REXO1: variants seen among roughly 807,000 people sequenced by gnomAD.
The protein encoded by REXO1 is REX1, RNA exonuclease 1 homolog.
In REXO1, 42 loss-of-function variants were observed where a neutral mutation model predicts 102.6. The observed-to-expected ratio is 0.41, with a 90% confidence interval of 0.32 to 0.53. REXO1 has a LOEUF of 0.53. REXO1 is among the 20% of genes least tolerant of loss of function. The pLI, the probability that REXO1 is intolerant of heterozygous loss-of-function variation, is 0.27. For synonymous variants in REXO1, 908 were observed against 779.1 expected, an observed-to-expected ratio of 1.17 and a Z score of -2.76; for missense variants, 1,819 against 1,732.5, an observed-to-expected ratio of 1.05 and a Z score of -0.89.
chr19:1,838,373 C>T (rs911588182), intron 1 of REXO1, among the ~76,000 whole-genome samples: 1 of 150,138 alleles, frequency 6.7e-6, no homozygotes, highest in Admixed American at 6.6e-5. Context: ...AATCCCAGCA[C>T]TTTGGAAAGT....
chr19:1,827,875 C>T lies in REXO1; in HGVS notation c.914G>A (p.Ser305Asn). 6.2e-7 allele frequency: 1 copy of T among 1,613,626 alleles called. No individual in the cohort carries two copies. The highest frequency in any genetic ancestry group is 8.5e-7 in the Non-Finnish European group (1 of 1,179,872). Residue 305 changes from serine (S) to asparagine (N), a missense_variant, in exon 2 of 16, where the codon AGC becomes AAC. Physicochemically the swap from Ser to Asn is conservative, Grantham distance 46. Transcript: ENST00000170168. The stretch of plus-strand genomic sequence containing the variant: ...AGGGTCGGCCCTGGCTTTGGGGGTG[C>T]TGGCCGTGGTGGGCTCGTTACCTGG... ...TVPGNEPTTA[S>N]TPKARADPEI...
rs769678066 is a variant in REXO1, at chr19:1,827,876, T to C, written c.913A>G (p.Ser305Gly). Residue 305 changes from serine (S) to glycine (G), a missense_variant, in exon 2 of 16, where the codon AGC becomes GGC. Ser to Gly is a moderately conservative substitution (Grantham distance 56). Coordinates refer to ENST00000170168, the MANE Select transcript of REXO1 (RefSeq NM_020695.4). Reference protein sequence around the residue: ...TVPGNEPTTASTPKARADPEI... With the variant: ...TVPGNEPTTAGTPKARADPEI... The stretch of plus-strand genomic sequence containing the variant: ...GGGTCGGCCCTGGCTTTGGGGGTGC[T>C]GGCCGTGGTGGGCTCGTTACCTGGG... 7.3e-5 allele frequency: 118 copies of C among 1,613,554 alleles called. No homozygotes were observed. The highest frequency in any genetic ancestry group is 9.9e-5 in the Non-Finnish European group (117 of 1,179,876).
chr19:1,833,734 G>C (rs1458054951), intron 1 of REXO1, among the ~76,000 whole-genome samples: 3 of 152,220 alleles, frequency 2.0e-5, no homozygotes, highest in Admixed American at 6.5e-5. Flanking sequence ...CCTGCCACCC[G>C]CCTGGTGAAC....
At chr19:1,845,121 C>T (rs2011478733) in intron 1 of REXO1, among the ~76,000 whole-genome samples, 1 of 152,198 alleles carries the variant, frequency 6.6e-6, no homozygotes, top group Non-Finnish European at 1.5e-5. Context: ...AAGGTGGGAT[C>T]TAGCCCTGCC....
intron 1 of REXO1, among the ~76,000 whole-genome samples, chr19:1,841,481 C>T (rs2011276292): frequency 6.6e-6 from 1 of 152,240 alleles, no homozygotes; most frequent in African/African-American, 2.4e-5. Context: ...TGCCACGACC[C>T]CATCGTGCAG....
intron 1 of REXO1, among the ~76,000 whole-genome samples, chr19:1,845,749 C>T (rs532517236): frequency 3.3e-5 from 5 of 152,322 alleles, no homozygotes; most frequent in African/African-American, 1.2e-4. Context: ...CAGTGCTGCT[C>T]AAGGTCGCCA....
chr19:1,838,915 G>T (rs957049337), intron 1 of REXO1, among the ~76,000 whole-genome samples: 1 of 151,790 alleles, frequency 6.6e-6, no homozygotes, highest in African/African-American at 2.4e-5. Flanking sequence ...CCAGGAGTTC[G>T]AGACCAGCCT....
intron 5 of REXO1, 120 bp from the exon 6 acceptor site, chr19:1,820,515 T>C: frequency 8.5e-7 from 1 of 1,183,086 alleles, no homozygotes; most frequent in Middle Eastern, 2.6e-4. Context: ...CTGGGACAGA[T>C]CAGCCTGGCT....
rs1381759143 is a variant in REXO1, at chr19:1,816,469, T to C, written c.3418A>G (p.Ile1140Val). Residue 1140 changes from isoleucine to valine, a missense_variant, in exon 14 of 16, where the codon ATC becomes GTC. Ile to Val is a conservative substitution (Grantham distance 29, BLOSUM62 3). Coordinates refer to ENST00000170168, the MANE Select transcript of REXO1 (RefSeq NM_020695.4). Reference protein sequence around the residue: ...LSMFSADTILIGHSLESDLLA... With the variant: ...LSMFSADTILVGHSLESDLLA... ...AGGTCGCTCTCCAGGCTGTGTCCGA[T>C]GAGGATGGTGTCAGCGCTGAACATG... 1.9e-6 allele frequency: 3 copies of C among 1,612,218 alleles called. No homozygotes were observed. Among genetic ancestry groups the C allele is most frequent in the Non-Finnish European group, 2.5e-6 (3 of 1,179,664 alleles).
intron 3 of REXO1, chr19:1,824,197 T>G: frequency 6.0e-6 from 1 of 166,154 alleles, no homozygotes; most frequent in Non-Finnish European, 1.3e-5. Flanking sequence ...TGTCCTGCAC[T>G]ACCTCGCCAC....
At chr19:1,841,346 C>T (rs1211501855) in intron 1 of REXO1, among the ~76,000 whole-genome samples, 1 of 152,266 alleles carries the variant, frequency 6.6e-6, no homozygotes. Flanking sequence ...GCCTGCTCCT[C>T]TCTAGGGATT....
chr19:1,828,539 C>G lies in REXO1; in HGVS notation c.250G>C (p.Asp84His), dbSNP rs370353302. Residue 84 changes from aspartate to histidine, a missense_variant, in exon 2 of 16, where the codon GAT (aspartate) becomes CAT (histidine). Transcript: ENST00000170168. ...TLGLGEEPRP[D>H]VLELELVNQA... ...TTGACCAGCTCCAACTCCAGCACATCCGGGCGCGGCTCCTCCCCCAGGCCC... is the reference window on the plus strand; with the variant it reads ...TTGACCAGCTCCAACTCCAGCACATGCGGGCGCGGCTCCTCCCCCAGGCCC... The G allele has an allele frequency of 6.2e-7, 1 of 1,604,224 alleles. No individual in the cohort carries two copies. The highest frequency in any genetic ancestry group is 8.5e-7 in the Non-Finnish European group (1 of 1,179,860).
chr19:1,826,236 T>C lies in REXO1; in HGVS notation c.1912-293A>G, dbSNP rs1256042634. ...GCACACTGGGAAAGCGAGGCCACCT[T>C]GGGCCGAACCAGCTGCTGCGGGCTG... is the stretch of plus-strand genomic sequence containing the variant. On this transcript the variant is annotated intron_variant, in intron 2 of 15. Coordinates refer to ENST00000170168, the MANE Select transcript of REXO1 (RefSeq NM_020695.4). The surrounding 1 kb of genome is among the most constrained non-coding windows in gnomAD (Gnocchi z 4.3). Among the ~76,000 whole-genome samples, 1 of 152,014 alleles carries C rather than the reference T, an allele frequency of 6.6e-6. No homozygotes were observed. Among genetic ancestry groups the C allele is most frequent in the Non-Finnish European group, 1.5e-5 (1 of 67,996 alleles).
In REXO1 at chr19:1,815,779, GCTGCGGGC is replaced by G; in HGVS notation, c.*279_*286del. 1 of 1,447,748 alleles carries G rather than the reference GCTGCGGGC, an allele frequency of 6.9e-7. No individual in the cohort carries two copies. The highest frequency in any genetic ancestry group is 9.1e-7 in the Non-Finnish European group (1 of 1,094,720). 89.7% of individuals were successfully genotyped at this position (1,447,748 alleles called of 1,614,324 possible). ...GGGCCTGGCAGGAGGGGCAGGAGGG[GCTGCGGGC>G]CGGGTGGGGGCGGGCTCTGTCCTGG... On this transcript the variant is annotated 3_prime_UTR_variant, in exon 16 of 16. Transcript: ENST00000170168. This position sits in a 1 kb window ranked among gnomAD's most constrained non-coding sequence, Gnocchi z 4.0.
chr19:1,846,301 G>A (rs548821810), intron 1 of REXO1, among the ~76,000 whole-genome samples: 92 of 152,288 alleles, frequency 6.0e-4, no homozygotes, highest in African/African-American at 1.9e-3. Flanking sequence ...TCACGGAGGC[G>A]GAAACAGAGG....
At position 1,827,836 on chromosome 19, in the gene REXO1, G is replaced by A. The variant is rs1407748178; in HGVS notation, c.953C>T (p.Thr318Ile). 1 of 1,611,858 alleles carries A rather than the reference G, an allele frequency of 6.2e-7. No homozygotes were observed. The highest frequency in any genetic ancestry group is 1.3e-5 in the African/African-American group (1 of 74,922). Residue 318 changes from threonine (T) to isoleucine (I), a missense_variant, in exon 2 of 16, where the codon ACC (threonine) becomes ATC (isoleucine). Coordinates refer to ENST00000170168, the MANE Select transcript of REXO1 (RefSeq NM_020695.4). ...GCCCTCTTTGGAGGGTGGCTGCCCG[G>A]TGGCCTTGATCTCAGGGTCGGCCCT... ...KARADPEIKA[T>I]GQPPSKEGLE...
chr19:1,821,832 A>C (rs550808294), intron 4 of REXO1, 150 bp from the exon 5 acceptor site: 2 of 687,066 alleles, frequency 2.9e-6, no homozygotes, highest in Non-Finnish European at 4.8e-6. Flanking sequence ...GGGGCTGCGC[A>C]ATGGCATCAG....
intron 1 of REXO1, among the ~76,000 whole-genome samples, chr19:1,828,842 C>T (rs891493684): frequency 1.4e-4 from 21 of 152,272 alleles, no homozygotes; most frequent in Admixed American, 3.9e-4. Context: ...TTGCCCTGAC[C>T]AATGGGCGCT....
intron 1 of REXO1, among the ~76,000 whole-genome samples, chr19:1,844,113 T>C (rs2011427118): frequency 6.6e-6 from 1 of 151,310 alleles, no homozygotes; most frequent in Admixed American, 6.6e-5. Flanking sequence ...CCTTGGAAGG[T>C]TTCAAGTTCC....
Sources: gnomAD v4.1 joint callset for allele counts (sites outside exome capture counted in the v4.1 genomes callset) on GRCh38, gnomAD v4.1.1 for gene constraint, Gnocchi (gnomAD v3.1) non-coding constraint, MANE v1.5 for transcripts, NCBI Gene and HGNC (gene_info 2026-07-23, HGNC 2026-07-21) for gene names.